CDK8: variants seen among roughly 807,000 people sequenced by gnomAD.
CDK8 encodes cyclin-dependent kinase 8.
CDK8 carries 29 observed loss-of-function variants against 71.5 expected under a neutral mutation model. That is an observed-to-expected ratio of 0.41 (90% CI 0.30 to 0.55). The LOEUF (loss-of-function observed/expected upper bound fraction) is 0.55, where lower values mean the gene tolerates loss of function less well. CDK8 is among the 20% of genes least tolerant of loss of function. CDK8 has a pLI of 0.37. For synonymous variants in CDK8, 161 were observed against 192.1 expected (o/e 0.84, Z 1.34); for missense variants, 288 against 572.6 (o/e 0.50, Z 5.07).
intron 4 of CDK8, among the ~76,000 whole-genome samples, chr13:26,364,123 G>A (rs189550129): frequency 3.2e-4 from 49 of 152,264 alleles, no homozygotes; most frequent in African/African-American, 1.2e-3. Context: ...GTTATTCAGA[G>A]AACTGTAGCA....
chr13:26,284,720 A>G (rs1395454161), intron 1 of CDK8, among the ~76,000 whole-genome samples: 2 of 152,134 alleles, frequency 1.3e-5, no homozygotes, highest in Non-Finnish European at 2.9e-5. Context: ...GTTTTACTAA[A>G]ACTATTCCAC....
rs201489316 is a variant in CDK8, at chr13:26,323,266, TC to T, written c.129-14299del. On this transcript the variant is annotated intron_variant, in intron 1 of 12. Coordinates refer to ENST00000381527, the MANE Select transcript of CDK8 (RefSeq NM_001260.3). Reference sequence around the variant, plus strand: ...GGGCTATCTTCCTGGCTTCCTTTCTTCCTGGCTGTCTTCTCACTGTGTCCTC... The same window carrying T: ...GGGCTATCTTCCTGGCTTCCTTTCTTCTGGCTGTCTTCTCACTGTGTCCTC... Among the ~76,000 whole-genome samples the T allele has an allele frequency of 6.5e-3, 976 of 150,902 alleles. 10 individuals are homozygous for T. Among genetic ancestry groups the T allele is most frequent in the African/African-American group, 0.021 (848 of 40,834 alleles).
chr13:26,289,509 G>A (rs115195068), intron 1 of CDK8, among the ~76,000 whole-genome samples: 3,313 of 152,124 alleles, frequency 0.022, 135 homozygotes, highest in African/African-American at 0.075. Context: ...GATACAGTTG[G>A]TTTTTGTACA....
intron 1 of CDK8, among the ~76,000 whole-genome samples, chr13:26,329,542 G>A (rs952179181): frequency 7.0e-6 from 1 of 143,826 alleles, no homozygotes; most frequent in African/African-American, 2.6e-5. Context: ...TGCACTTGTC[G>A]CCCAGGCTGG....
chr13:26,323,428 T>A (rs1874884273), intron 1 of CDK8, among the ~76,000 whole-genome samples: 2 of 151,802 alleles, frequency 1.3e-5, no homozygotes, highest in Admixed American at 1.3e-4. Flanking sequence ...AATCTCATCT[T>A]GAAGACCCCA....
At chr13:26,324,063 C>G (rs754064517) in intron 1 of CDK8, among the ~76,000 whole-genome samples, 1 of 152,208 alleles carries the variant, frequency 6.6e-6, no homozygotes, top group Non-Finnish European at 1.5e-5. Context: ...AAATGAGAAC[C>G]ATTAAGTAAT....
intron 4 of CDK8, among the ~76,000 whole-genome samples, chr13:26,360,007 C>G (rs1192979872): frequency 6.6e-6 from 1 of 152,162 alleles, no homozygotes; most frequent in Non-Finnish European, 1.5e-5. Context: ...TAAGCCATTG[C>G]ACCTGGCCTG....
chr13:26,286,907 A>G (rs891795417), intron 1 of CDK8, among the ~76,000 whole-genome samples: 4 of 152,202 alleles, frequency 2.6e-5, no homozygotes, highest in Non-Finnish European at 5.9e-5. Context: ...AAAATGCTCA[A>G]TATCACTAAT....
intron 1 of CDK8, among the ~76,000 whole-genome samples, chr13:26,321,583 TGTGTGTA>T (rs1375936423): frequency 2.0e-5 from 3 of 152,144 alleles, no homozygotes; most frequent in African/African-American, 7.2e-5. Flanking sequence ...AAAGTGACAA[TGTGTGTA>T]ATAAGCTATG....
At chr13:26,376,829 C>G (rs182947678) in intron 4 of CDK8, among the ~76,000 whole-genome samples, 1 of 152,248 alleles carries the variant, frequency 6.6e-6, no homozygotes, top group East Asian at 1.9e-4. Flanking sequence ...TTTAAGGATA[C>G]TAATTTAAAG....
chr13:26,302,964 A>AT (rs1345279768), intron 1 of CDK8, among the ~76,000 whole-genome samples: 2 of 152,160 alleles, frequency 1.3e-5, no homozygotes, highest in Non-Finnish European at 2.9e-5. Context: ...AGTAGCTAGA[A>AT]TTACTGGCAT....
chr13:26,380,568 C>A (rs1054845742), intron 4 of CDK8, among the ~76,000 whole-genome samples: 10 of 151,964 alleles, frequency 6.6e-5, no homozygotes, highest in Non-Finnish European at 1.2e-4. Flanking sequence ...ACTGCGGTCT[C>A]CACCTCCCAG....
intron 1 of CDK8, among the ~76,000 whole-genome samples, chr13:26,277,071 A>G (rs74040472): frequency 0.022 from 3,415 of 152,330 alleles, 127 homozygotes; most frequent in African/African-American, 0.078. Context: ...CTATTTCAGA[A>G]GAACACACAA....
chr13:26,388,158 C>A (rs2138055045), intron 6 of CDK8, among the ~76,000 whole-genome samples: 1 of 152,260 alleles, frequency 6.6e-6, no homozygotes, highest in East Asian at 1.9e-4. Flanking sequence ...TATATCATTT[C>A]CAAAAATCTT....
chr13:26,255,225 T>C (rs1264370315), intron 1 of CDK8, among the ~76,000 whole-genome samples: 1 of 152,186 alleles, frequency 6.6e-6, no homozygotes, highest in East Asian at 1.9e-4. Context: ...CGATTTTTTA[T>C]CAAATTTGTA....
intron 1 of CDK8, among the ~76,000 whole-genome samples, chr13:26,301,626 C>T (rs1238396191): frequency 6.6e-6 from 1 of 152,188 alleles, no homozygotes; most frequent in African/African-American, 2.4e-5. Flanking sequence ...GCATTAGTAT[C>T]AATGTAGATT....
At chr13:26,307,399 C>T (rs1874094061) in intron 1 of CDK8, among the ~76,000 whole-genome samples, 1 of 152,076 alleles carries the variant, frequency 6.6e-6, no homozygotes, top group South Asian at 2.1e-4. Context: ...GAACTTGACC[C>T]ACTGTTTCTT....
chr13:26,280,429 C>G (rs1160977336), intron 1 of CDK8, among the ~76,000 whole-genome samples: 1 of 152,098 alleles, frequency 6.6e-6, no homozygotes, highest in Non-Finnish European at 1.5e-5. Context: ...CGGAGAGGTC[C>G]CAGGGCTGCA....
intron 4 of CDK8, among the ~76,000 whole-genome samples, chr13:26,367,528 A>G (rs956224165): frequency 6.6e-6 from 1 of 152,178 alleles, no homozygotes; most frequent in Non-Finnish European, 1.5e-5. Context: ...TTTCTCAGCT[A>G]TAAAATGGGG....
Sources: gnomAD v4.1 joint callset for allele counts (sites outside exome capture counted in the v4.1 genomes callset) on GRCh38, gnomAD v4.1.1 for gene constraint, MANE v1.5 for transcripts, NCBI Gene and HGNC (gene_info 2026-07-23, HGNC 2026-07-21) for gene names.